NRG3: variants seen among roughly 807,000 people sequenced by gnomAD.
The protein encoded by NRG3 is pro-neuregulin-3, membrane-bound isoform.
A neutral mutation model predicts 66.9 loss-of-function variants in NRG3; 31 were observed. The observed-to-expected ratio is 0.46, with a 90% CI of 0.35 to 0.63. NRG3 has a LOEUF of 0.63. Ranked by LOEUF, NRG3 falls within the 20% of genes least tolerant of loss-of-function variation. The pLI, the probability that NRG3 is intolerant of heterozygous loss-of-function variation, is 0.00. For synonymous variants in NRG3, 393 were observed against 359.4 expected, an observed-to-expected ratio of 1.09 and a Z score of -1.06; for missense variants, 910 against 878.9, an observed-to-expected ratio of 1.04 and a Z score of -0.45.
At chr10:82,033,257 G>C (rs559027926) in intron 1 of NRG3, among the ~76,000 whole-genome samples, 20 of 152,264 alleles carry the variant, frequency 1.3e-4, no homozygotes, top group African/African-American at 4.6e-4. Flanking sequence ...TCAATGCAAG[G>C]TTGGAATGAG....
At chr10:82,586,772 A>G (rs1003433512) in intron 2 of NRG3, among the ~76,000 whole-genome samples, 3 of 152,200 alleles carry the variant, frequency 2.0e-5, no homozygotes, top group Non-Finnish European at 2.9e-5. Context: ...TATACAATAC[A>G]TATTTTTTAA....
chr10:82,596,647 C>G (rs1218824283), intron 2 of NRG3, among the ~76,000 whole-genome samples: 1 of 152,030 alleles, frequency 6.6e-6, no homozygotes, highest in African/African-American at 2.4e-5. Flanking sequence ...GGGGCTTTAG[C>G]GGTATGTTTT....
At chr10:82,788,288 C>G (rs1460830294) in intron 3 of NRG3, among the ~76,000 whole-genome samples, 1 of 152,084 alleles carries the variant, frequency 6.6e-6, no homozygotes, top group Non-Finnish European at 1.5e-5. Flanking sequence ...AGGTAAGAAA[C>G]TACCGGAGCT....
intron 1 of NRG3, among the ~76,000 whole-genome samples, chr10:81,901,680 GTAAAA>G: frequency 6.6e-6 from 1 of 152,126 alleles, no homozygotes; most frequent in Non-Finnish European, 1.5e-5. Flanking sequence ...AAAAAGAAAA[GTAAAA>G]TAAAATACAT....
chr10:82,388,229 G>A (rs1192232285), intron 2 of NRG3, among the ~76,000 whole-genome samples: 1 of 152,112 alleles, frequency 6.6e-6, no homozygotes, highest in African/African-American at 2.4e-5. Context: ...ATAATGTGCT[G>A]TAAAAAGGGA....
intron 1 of NRG3, among the ~76,000 whole-genome samples, chr10:82,186,800 A>G (rs1051643653): frequency 6.6e-6 from 1 of 152,162 alleles, no homozygotes; most frequent in African/African-American, 2.4e-5. Context: ...TGGACATTCA[A>G]ATCCCTTTCG....
At chr10:82,545,009 T>C (rs1223651755) in intron 2 of NRG3, among the ~76,000 whole-genome samples, 1 of 152,144 alleles carries the variant, frequency 6.6e-6, no homozygotes, top group Non-Finnish European at 1.5e-5. Flanking sequence ...AAACAGCAAC[T>C]ACTTAAGAGA....
At chr10:82,427,716 G>A (rs1157710288) in intron 2 of NRG3, among the ~76,000 whole-genome samples, 1 of 151,958 alleles carries the variant, frequency 6.6e-6, no homozygotes, top group Non-Finnish European at 1.5e-5. Context: ...AATAACACTG[G>A]TCTCACTTTG....
At chr10:82,294,057 C>G (rs905998569) in intron 1 of NRG3, among the ~76,000 whole-genome samples, 1 of 152,056 alleles carries the variant, frequency 6.6e-6, no homozygotes, top group Non-Finnish European at 1.5e-5. Flanking sequence ...GTCCTCTCAC[C>G]AAGGATGAGA....
chr10:82,518,473 A>G (rs1463065910), intron 2 of NRG3, among the ~76,000 whole-genome samples: 2 of 152,216 alleles, frequency 1.3e-5, no homozygotes, highest in Non-Finnish European at 2.9e-5. Context: ...GCAGAATAGT[A>G]GATACATTAG....
chr10:82,566,739 A>G (rs2045431861), intron 2 of NRG3, among the ~76,000 whole-genome samples: 1 of 151,968 alleles, frequency 6.6e-6, no homozygotes, highest in Admixed American at 6.6e-5. Flanking sequence ...TTTGGACCTG[A>G]GAATTGGTAG....
chr10:82,298,639 TA>T (rs768922869), intron 1 of NRG3, among the ~76,000 whole-genome samples: 16 of 151,278 alleles, frequency 1.1e-4, no homozygotes, highest in East Asian at 7.8e-4. Flanking sequence ...TGCAAATAAT[TA>T]AAAAAAAACC....
chr10:82,614,350 T>C (rs2048505914), intron 2 of NRG3, among the ~76,000 whole-genome samples: 1 of 152,240 alleles, frequency 6.6e-6, no homozygotes, highest in East Asian at 1.9e-4. Flanking sequence ...GTTCGAATTA[T>C]GTTTGTTTAT....
At chr10:82,857,625 A>G (rs2063881056) in intron 3 of NRG3, among the ~76,000 whole-genome samples, 1 of 152,224 alleles carries the variant, frequency 6.6e-6, no homozygotes, top group Non-Finnish European at 1.5e-5. Flanking sequence ...TTTATTTTAC[A>G]TATATGGAAG....
intron 1 of NRG3, among the ~76,000 whole-genome samples, chr10:81,948,088 C>G (rs1270021494): frequency 6.6e-6 from 1 of 152,130 alleles, no homozygotes; most frequent in Non-Finnish European, 1.5e-5. Context: ...CCTTCAGACT[C>G]AAGTAACTGA....
intron 2 of NRG3, among the ~76,000 whole-genome samples, chr10:82,642,972 T>C (rs1032771641): frequency 3.9e-5 from 6 of 152,112 alleles, no homozygotes; most frequent in Non-Finnish European, 7.4e-5. Flanking sequence ...TAAAGTGATA[T>C]GAATTTCCTT....
chr10:82,404,783 G>C (rs1471065508), intron 2 of NRG3, among the ~76,000 whole-genome samples: 1 of 152,126 alleles, frequency 6.6e-6, no homozygotes, highest in Non-Finnish European at 1.5e-5. Context: ...AATGAACATG[G>C]TTGTAAACAG....
At chr10:82,473,455 A>T (rs868452493) in intron 2 of NRG3, among the ~76,000 whole-genome samples, 4 of 152,236 alleles carry the variant, frequency 2.6e-5, no homozygotes, top group African/African-American at 9.6e-5. Context: ...CCATGGCAAC[A>T]TGAAAACAAA....
chr10:82,735,451 T>G (rs770823906), intron 2 of NRG3, among the ~76,000 whole-genome samples: 23 of 152,170 alleles, frequency 1.5e-4, no homozygotes, highest in Non-Finnish European at 3.4e-4. Context: ...TAATGACACA[T>G]GCACAAGTGT....
Sources: allele counts gnomAD v4.1 joint callset (sites outside exome capture counted in the v4.1 genomes callset), GRCh38; gene constraint gnomAD v4.1.1; transcripts MANE v1.5; gene names NCBI Gene and HGNC (gene_info 2026-07-23, HGNC 2026-07-21).